The following SYNE2 variants were observed in gnomAD, a reference collection of about 807,000 sequenced individuals.
The protein encoded by SYNE2 is spectrin repeat containing nuclear envelope protein 2.
Under a neutral mutation model 856.3 loss-of-function variants are expected in SYNE2, and 431 were observed. The ratio of observed to expected loss-of-function variants is 0.50; its 90% confidence interval spans 0.47 to 0.55. The LOEUF (loss-of-function observed/expected upper bound fraction) is 0.55, where lower values mean the gene tolerates loss of function less well. SYNE2 is among the 20% of genes least tolerant of loss of function. SYNE2 has a pLI of 0.00. For missense variants in SYNE2, 8,129 were observed against 8,023.2 expected, an observed-to-expected ratio of 1.01 and a Z score of -0.50; for synonymous variants, 2,923 against 2,872.3, an observed-to-expected ratio of 1.02 and a Z score of -0.56.
At chr14:64,003,549 T>C (rs974576822) in intron 30 of SYNE2, among the ~76,000 whole-genome samples, 1 of 152,198 alleles carries the variant, frequency 6.6e-6, no homozygotes, top group African/African-American at 2.4e-5. Flanking sequence ...CTCTTTAAAG[T>C]GTATCTTATG....
intron 19 of SYNE2, among the ~76,000 whole-genome samples, chr14:63,988,196 G>A: frequency 6.6e-6 from 1 of 152,258 alleles, no homozygotes; most frequent in Non-Finnish European, 1.5e-5. Flanking sequence ...TTCCACTTCA[G>A]CCTCCCAAGT....
In SYNE2 at chr14:63,963,970, A is replaced by G; in HGVS notation, c.960A>G (p.Ser320=). ...AACTACAGAAGTTGCTAAAGGATTC[A>G]GAGAATGATACCTACTTTAAAAAGT... ...KEKLQKLLKD[S]ENDTYFKKYN... is the part of the protein sequence containing the mutation. The change falls in exon 10 of 116, where the codon TCA becomes TCG. Residue 320 remains serine (S), a synonymous_variant. Transcript: ENST00000555002. The G allele has an allele frequency of 6.2e-7, 1 of 1,607,600 alleles. No individual in the cohort carries two copies. Among genetic ancestry groups the G allele is most frequent in the East Asian group, 2.2e-5 (1 of 44,714 alleles).
At position 64,191,035 on chromosome 14, in the gene SYNE2, T is replaced by C. The variant is rs943265376; in HGVS notation, c.18038+798T>C. On this transcript the variant is annotated intron_variant, in intron 99 of 115. Transcript: ENST00000555002. The stretch of plus-strand genomic sequence containing the variant: ...GCCACACGGGTCCTTTCCATAGCAG[T>C]GTGCTCAGATGTTTTGAACAACACA... 2.3e-5 allele frequency: 16 copies of C among 702,122 alleles called. No homozygotes were observed. The African/African-American group carries it at 2.8e-4, about 12-fold the overall frequency. 43.5% of individuals were successfully genotyped at this position (702,122 alleles called of 1,614,324 possible).
chr14:63,874,420 G>A (rs2094667268), intron 1 of SYNE2, among the ~76,000 whole-genome samples: 1 of 152,022 alleles, frequency 6.6e-6, no homozygotes. Context: ...GGCCTCTTTT[G>A]TTGTTGGGAG....
intron 42 of SYNE2, 112 bp downstream of exon 42, chr14:64,026,842 T>C (rs1190254444): frequency 7.5e-6 from 10 of 1,332,864 alleles, no homozygotes; most frequent in East Asian, 2.5e-5. Flanking sequence ...AGAGAGAAAG[T>C]TGGTAATGTC....
chr14:64,074,169 G>T lies in SYNE2; in HGVS notation c.10866+33G>T, dbSNP rs368045963. ...AGGAATGAATTAGTGAATGTGGCAG[G>T]TACAGGCCCACAGTCTTGTATCCAA... On this transcript the variant is annotated intron_variant, in intron 53 of 115. Coordinates refer to ENST00000555002, the MANE Select transcript of SYNE2 (RefSeq NM_182914.3). The T allele has an allele frequency of 6.4e-5, 102 of 1,602,636 alleles. No homozygotes were observed. The African/African-American group carries it at 1.3e-3, about 20-fold the overall frequency.
intron 45 of SYNE2, among the ~76,000 whole-genome samples, chr14:64,043,406 A>T (rs1450174853): frequency 6.6e-6 from 1 of 152,226 alleles, no homozygotes; most frequent in African/African-American, 2.4e-5. Flanking sequence ...AACAAGCCGA[A>T]TGTTAATCCC....
intron 49 of SYNE2, 40 bp from the exon 50 acceptor site, chr14:64,062,706 TAAATA>T (rs1223299757): frequency 2.6e-6 from 4 of 1,526,096 alleles, no homozygotes; most frequent in East Asian, 2.3e-5. Context: ...TTTATTGTGT[TAAATA>T]AAATTTAATA....
At chr14:63,777,050 G>T (rs1416867739) in intron 1 of SYNE2, among the ~76,000 whole-genome samples, 2 of 152,162 alleles carry the variant, frequency 1.3e-5, no homozygotes, top group Non-Finnish European at 2.9e-5. Context: ...AAAAACAGTG[G>T]CACACTACCT....
At chr14:64,015,092 G>GTATA (rs60076673) in intron 32 of SYNE2, among the ~76,000 whole-genome samples, 5 of 144,956 alleles carry the variant, frequency 3.4e-5, no homozygotes, top group African/African-American at 1.3e-4. Context: ...TATATAACGT[G>GTATA]TATATATATA....
chr14:63,812,270 TCTA>T (rs1258452715), intron 1 of SYNE2, among the ~76,000 whole-genome samples: 2 of 152,192 alleles, frequency 1.3e-5, no homozygotes, highest in East Asian at 3.8e-4. Flanking sequence ...TGATATCTTC[TCTA>T]CTTTCACATC....
intron 18 of SYNE2, among the ~76,000 whole-genome samples, chr14:63,985,069 T>A (rs1282540852): frequency 6.6e-6 from 1 of 152,182 alleles, no homozygotes; most frequent in African/African-American, 2.4e-5. Flanking sequence ...CTGGGAGCGG[T>A]GGCTCATGCC....
intron 88 of SYNE2, among the ~76,000 whole-genome samples, chr14:64,163,160 C>T (rs931592694): frequency 6.6e-6 from 1 of 152,214 alleles, no homozygotes; most frequent in Non-Finnish European, 1.5e-5. Context: ...CACTAGAAGC[C>T]TCGACTCTAT....
In SYNE2 at chr14:63,931,953, T is replaced by C. The variant is rs534011802; in HGVS notation, c.80-8661T>C. ...ATTAGCTTTTAATTTCTATCTTATA[T>C]CCCTTTTACTGTTTGAAAAATTTTT... On this transcript the variant is annotated intron_variant, in intron 2 of 115. Coordinates refer to ENST00000555002, the MANE Select transcript of SYNE2 (RefSeq NM_182914.3). Among the ~76,000 whole-genome samples, 5 of 152,350 alleles carry C rather than the reference T, an allele frequency of 3.3e-5. No individual in the cohort carries two copies. In the South Asian group the frequency reaches 1.0e-3, roughly 32 times the overall value.
At chr14:63,930,278 C>T (rs1203614096) in intron 2 of SYNE2, among the ~76,000 whole-genome samples, 1 of 148,374 alleles carries the variant, frequency 6.7e-6, no homozygotes, top group Non-Finnish European at 1.5e-5. Context: ...ACGGTGAGAC[C>T]CTGTCTCAAA....
At chr14:63,866,609 G>C (rs936605142) in intron 1 of SYNE2, among the ~76,000 whole-genome samples, 8 of 152,168 alleles carry the variant, frequency 5.3e-5, no homozygotes, top group African/African-American at 1.9e-4. Context: ...TTAAAAGTGA[G>C]AACAGGTAAA....
intron 48 of SYNE2, among the ~76,000 whole-genome samples, chr14:64,055,020 C>T (rs868604350): frequency 5.3e-5 from 8 of 152,090 alleles, no homozygotes; most frequent in Non-Finnish European, 7.4e-5. Flanking sequence ...TGCATAAATC[C>T]CAAAAATAAT....
At chr14:63,872,526 C>T (rs950776074) in intron 1 of SYNE2, among the ~76,000 whole-genome samples, 15 of 151,876 alleles carry the variant, frequency 9.9e-5, no homozygotes, top group East Asian at 7.8e-4. Context: ...GAGGCCGAGG[C>T]GAGTGGATCA....
intron 11 of SYNE2, among the ~76,000 whole-genome samples, chr14:63,976,192 A>T (rs942212511): frequency 3.3e-5 from 5 of 152,260 alleles, no homozygotes; most frequent in Non-Finnish European, 1.5e-5. Context: ...ATGTAGTGTC[A>T]GAGCACACAA....
Sources: allele counts gnomAD v4.1 joint callset (sites outside exome capture counted in the v4.1 genomes callset), GRCh38; gene constraint gnomAD v4.1.1; transcripts MANE v1.5; gene names NCBI Gene and HGNC (gene_info 2026-07-23, HGNC 2026-07-21).